The following PITPNC1 variants were observed in gnomAD, a reference collection of about 807,000 sequenced individuals.
PITPNC1 encodes cytoplasmic phosphatidylinositol transfer protein 1.
PITPNC1 carries 18 observed loss-of-function variants against 44.7 expected under a neutral mutation model. The observed-to-expected ratio is 0.40, with a 90% CI of 0.28 to 0.60. The LOEUF (loss-of-function observed/expected upper bound fraction) is 0.60, where lower values mean the gene tolerates loss of function less well. Ranked by LOEUF, PITPNC1 falls within the 20% of genes least tolerant of loss-of-function variation. The probability of loss-of-function intolerance (pLI) is 0.39; values close to 1 mark genes in which losing one functional copy is unlikely to be tolerated. For synonymous variants in PITPNC1, 141 were observed against 149.6 expected, an observed-to-expected ratio of 0.94 and a Z score of 0.42; for missense variants, 290 against 418.4, an observed-to-expected ratio of 0.69 and a Z score of 2.68.
intron 5 of PITPNC1, among the ~76,000 whole-genome samples, chr17:67,595,365 T>C (rs2041446404): frequency 6.6e-6 from 1 of 152,158 alleles, no homozygotes; most frequent in African/African-American, 2.4e-5. Flanking sequence ...AGAGCCATCA[T>C]CTTTATAAAA....
intron 1 of PITPNC1, among the ~76,000 whole-genome samples, chr17:67,426,860 T>G (rs960620206): frequency 6.6e-6 from 1 of 152,234 alleles, no homozygotes. Context: ...GTAAAATGGA[T>G]TCCTCATAAA....
rs772868287 is a variant in PITPNC1, at chr17:67,632,253, G to T, written c.462+15G>T. On this transcript the variant is annotated intron_variant, in intron 6 of 8. Transcript: ENST00000581322. ...AAGAATCTGAGGTAAGCAACAGTTGGGATGAGATGTGGAAGATTCATTCAT... is the reference window on the plus strand; with the variant it reads ...AAGAATCTGAGGTAAGCAACAGTTGTGATGAGATGTGGAAGATTCATTCAT... 1.7e-5 allele frequency: 26 copies of T among 1,487,328 alleles called. No individual in the cohort carries two copies. The East Asian group carries it at 5.9e-4, about 34-fold the overall frequency. 92.1% of individuals were successfully genotyped at this position (1,487,328 alleles called of 1,614,324 possible).
intron 6 of PITPNC1, among the ~76,000 whole-genome samples, chr17:67,645,361 A>AG (rs1395259528): frequency 9.9e-5 from 15 of 151,756 alleles, no homozygotes; most frequent in Admixed American, 2.6e-4. Flanking sequence ...AAAAAAAAAA[A>AG]AGAGAAAGTG....
At chr17:67,626,664 C>T (rs561015004) in intron 5 of PITPNC1, among the ~76,000 whole-genome samples, 5 of 152,154 alleles carry the variant, frequency 3.3e-5, no homozygotes, top group Middle Eastern at 3.4e-3. Context: ...CCACCATGCC[C>T]GGCCAGATAA....
intron 8 of PITPNC1, among the ~76,000 whole-genome samples, chr17:67,678,894 C>T (rs2042651758): frequency 6.6e-6 from 1 of 152,204 alleles, no homozygotes; most frequent in Non-Finnish European, 1.5e-5. Context: ...CAAAATAAAT[C>T]CTTGCCTATA....
chr17:67,526,280 A>G (rs2040390825), intron 1 of PITPNC1, among the ~76,000 whole-genome samples: 1 of 152,210 alleles, frequency 6.6e-6, no homozygotes, highest in Non-Finnish European at 1.5e-5. Flanking sequence ...AGTGAAAATC[A>G]GTGATAGCTT....
intron 1 of PITPNC1, chr17:67,378,877 G>C (rs1453609613): frequency 1.7e-6 from 1 of 574,146 alleles, no homozygotes; most frequent in Non-Finnish European, 2.2e-6. Context: ...AGCGGCGGGG[G>C]CTGCGACGCG....
At chr17:67,427,500 C>T (rs561374654) in intron 1 of PITPNC1, among the ~76,000 whole-genome samples, 1 of 152,198 alleles carries the variant, frequency 6.6e-6, no homozygotes, top group Admixed American at 6.5e-5. Context: ...GCATGAGCCA[C>T]TGCACCCAGC....
chr17:67,454,945 G>C (rs2039235444), intron 1 of PITPNC1, among the ~76,000 whole-genome samples: 1 of 151,078 alleles, frequency 6.6e-6, no homozygotes, highest in South Asian at 2.1e-4. Flanking sequence ...TCAGCCCCCT[G>C]AGTAGCTGGG....
chr17:67,668,400 C>G (rs987086912), intron 6 of PITPNC1, among the ~76,000 whole-genome samples: 1 of 152,176 alleles, frequency 6.6e-6, no homozygotes, highest in African/African-American at 2.4e-5. Context: ...AACATTTGGA[C>G]TGTTTCCAGT....
At chr17:67,585,867 C>G (rs188773538) in intron 5 of PITPNC1, among the ~76,000 whole-genome samples, 1 of 152,136 alleles carries the variant, frequency 6.6e-6, no homozygotes, top group South Asian at 2.1e-4. Context: ...GGCAGCCATC[C>G]GCAAGTCAAG....
At chr17:67,412,491 C>T (rs1033357039) in intron 1 of PITPNC1, among the ~76,000 whole-genome samples, 1 of 152,082 alleles carries the variant, frequency 6.6e-6, no homozygotes, top group African/African-American at 2.4e-5. Context: ...TTAAATAAGC[C>T]CTGATTTAAC....
At chr17:67,649,596 G>A (rs1164121773) in intron 6 of PITPNC1, among the ~76,000 whole-genome samples, 4 of 152,114 alleles carry the variant, frequency 2.6e-5, no homozygotes, top group African/African-American at 7.2e-5. Flanking sequence ...CTCACTGACA[G>A]GCTATAGGCC....
chr17:67,581,133 C>T (rs1269507298), intron 5 of PITPNC1, among the ~76,000 whole-genome samples: 2 of 152,182 alleles, frequency 1.3e-5, no homozygotes, highest in Non-Finnish European at 2.9e-5. Flanking sequence ...TATCCTCTGC[C>T]CAGTTCAAAT....
chr17:67,592,286 C>T (rs766599783), intron 5 of PITPNC1, among the ~76,000 whole-genome samples: 6 of 152,098 alleles, frequency 3.9e-5, no homozygotes, highest in Non-Finnish European at 7.4e-5. Flanking sequence ...TCAATAGCAA[C>T]ATAACATTAA....
At chr17:67,396,538 T>C (rs1272951438) in intron 1 of PITPNC1, among the ~76,000 whole-genome samples, 2 of 151,392 alleles carry the variant, frequency 1.3e-5, no homozygotes, top group African/African-American at 4.9e-5. Flanking sequence ...ACCTGGCTAA[T>C]TTTTGTATTT....
intron 1 of PITPNC1, among the ~76,000 whole-genome samples, chr17:67,413,229 G>A (rs1209327193): frequency 6.6e-6 from 1 of 152,116 alleles, no homozygotes; most frequent in African/African-American, 2.4e-5. Flanking sequence ...ATAGCACAAA[G>A]AATTTGTATT....
At chr17:67,663,657 C>A (rs1426619672) in intron 6 of PITPNC1, among the ~76,000 whole-genome samples, 1 of 151,962 alleles carries the variant, frequency 6.6e-6, no homozygotes, top group East Asian at 1.9e-4. Context: ...AGCAGTGTGC[C>A]CAGAATAACA....
At chr17:67,577,617 T>G (rs2041167147) in intron 4 of PITPNC1, among the ~76,000 whole-genome samples, 1 of 151,012 alleles carries the variant, frequency 6.6e-6, no homozygotes, top group Admixed American at 6.6e-5. Flanking sequence ...AAATTTAAAA[T>G]AAATTTAAAA....
Sources: gnomAD v4.1 joint callset for allele counts (sites outside exome capture counted in the v4.1 genomes callset) on GRCh38, gnomAD v4.1.1 for gene constraint, MANE v1.5 for transcripts, NCBI Gene and HGNC (gene_info 2026-07-23, HGNC 2026-07-21) for gene names.